Variants in SLC24A2 observed in about 807,000 individuals in gnomAD.
SLC24A2 encodes the protein sodium/potassium/calcium exchanger 2.
SLC24A2 carries 36 observed loss-of-function variants against 62.0 expected under a neutral mutation model. That is an observed-to-expected ratio of 0.58 (90% CI 0.44 to 0.77). The LOEUF (loss-of-function observed/expected upper bound fraction) is 0.77, where lower values mean the gene tolerates loss of function less well. Ranked by LOEUF, SLC24A2 falls within the 30% of genes least tolerant of loss-of-function variation. The pLI is 0.00. For missense variants in SLC24A2, 846 were observed against 817.9 expected (o/e 1.03, Z -0.42); for synonymous variants, 358 against 294.0 (o/e 1.22, Z -2.23).
the SLC24A2 span, among the ~76,000 whole-genome samples, chr9:20,291,573 A>G: frequency 6.6e-6 from 1 of 152,146 alleles, no homozygotes. Flanking sequence ...CTCCCTCTCC[A>G]TGTGTCTCTG....
chr9:19,994,023 G>A, the SLC24A2 span, among the ~76,000 whole-genome samples: 1 of 152,192 alleles, frequency 6.6e-6, no homozygotes, highest in Non-Finnish European at 1.5e-5. Flanking sequence ...CTGAGGTAAA[G>A]ATAGACCAAG....
chr9:20,235,167 G>C, the SLC24A2 span, among the ~76,000 whole-genome samples: 3 of 152,220 alleles, frequency 2.0e-5, no homozygotes, highest in African/African-American at 7.2e-5. Context: ...AGGCTACTCG[G>C]GGGTCAGGGA....
At chr9:20,272,584 G>T in the SLC24A2 span, among the ~76,000 whole-genome samples, 2,375 of 152,268 alleles carry the variant, frequency 0.016, 68 homozygotes, top group African/African-American at 0.053. Context: ...TTGGAAAACT[G>T]AGAAACTAAA....
intron 8 of SLC24A2, among the ~76,000 whole-genome samples, chr9:19,543,234 C>G (rs1210994695): frequency 1.3e-5 from 2 of 152,164 alleles, no homozygotes; most frequent in Non-Finnish European, 2.9e-5. Flanking sequence ...TTATAGTATT[C>G]TCTGATGGTA....
chr9:19,982,274 T>C, the SLC24A2 span, among the ~76,000 whole-genome samples: 3 of 152,094 alleles, frequency 2.0e-5, no homozygotes, highest in Non-Finnish European at 2.9e-5. Flanking sequence ...TGAATGGAAG[T>C]GTGAGTGTGT....
At chr9:19,788,142 G>A (rs1483021066) in intron 1 of SLC24A2, among the ~76,000 whole-genome samples, 1 of 152,198 alleles carries the variant, frequency 6.6e-6, no homozygotes, top group Non-Finnish European at 1.5e-5. Flanking sequence ...ACTGAGATTA[G>A]CTGGAGCTCA....
At chr9:19,919,066 A>ATT in the SLC24A2 span, among the ~76,000 whole-genome samples, 24 of 152,240 alleles carry the variant, frequency 1.6e-4, no homozygotes, top group African/African-American at 5.5e-4. Flanking sequence ...GATTTTAATT[A>ATT]TTTAACAATT....
chr9:19,872,366 T>C, the SLC24A2 span, among the ~76,000 whole-genome samples: 1 of 152,182 alleles, frequency 6.6e-6, no homozygotes, highest in African/African-American at 2.4e-5. Context: ...TTCCGAAGGA[T>C]AAAGGAGGAG....
the SLC24A2 span, among the ~76,000 whole-genome samples, chr9:19,978,307 T>C: frequency 6.6e-6 from 1 of 152,118 alleles, no homozygotes; most frequent in Admixed American, 6.5e-5. Context: ...CTTTTATCAG[T>C]TCCTCAAGAA....
At chr9:20,225,275 CAT>C in the SLC24A2 span, among the ~76,000 whole-genome samples, 3,110 of 151,606 alleles carry the variant, frequency 0.021, 103 homozygotes, top group African/African-American at 0.069. Context: ...CACAAGGAAA[CAT>C]GTATAACAAT....
chr9:20,015,278 A>C, the SLC24A2 span, among the ~76,000 whole-genome samples: 1 of 152,332 alleles, frequency 6.6e-6, no homozygotes, highest in South Asian at 2.1e-4. Flanking sequence ...GTTGAGCTGG[A>C]ACCTGCATCA....
At chr9:20,210,614 C>CAGT in the SLC24A2 span, among the ~76,000 whole-genome samples, 1 of 140,182 alleles carries the variant, frequency 7.1e-6, no homozygotes, top group Admixed American at 7.6e-5. Context: ...GCTGGGACTA[C>CAGT]AGGCGCCCGC....
intron 2 of SLC24A2, among the ~76,000 whole-genome samples, chr9:19,735,311 C>T (rs1284233970): frequency 6.6e-6 from 1 of 152,084 alleles, no homozygotes; most frequent in Non-Finnish European, 1.5e-5. Flanking sequence ...AACGAGATAC[C>T]ATCTCACACC....
At chr9:19,936,619 T>A in the SLC24A2 span, among the ~76,000 whole-genome samples, 7 of 151,996 alleles carry the variant, frequency 4.6e-5, no homozygotes, top group Non-Finnish European at 1.0e-4. Context: ...AAAGCTGGAG[T>A]GGGAGCCTCT....
At chr9:19,574,949 A>G (rs2132848660) in intron 6 of SLC24A2, among the ~76,000 whole-genome samples, 2 of 152,184 alleles carry the variant, frequency 1.3e-5, no homozygotes, top group East Asian at 3.8e-4. Context: ...CTGCTCATCA[A>G]ACATAAGAAT....
chr9:19,862,514 G>A, the SLC24A2 span, among the ~76,000 whole-genome samples: 7 of 152,010 alleles, frequency 4.6e-5, no homozygotes, highest in Admixed American at 1.3e-4. Context: ...AATCTCACTG[G>A]TAATCGTTAA....
At chr9:19,682,207 C>T (rs1473194500) in intron 2 of SLC24A2, among the ~76,000 whole-genome samples, 3 of 152,136 alleles carry the variant, frequency 2.0e-5, no homozygotes, top group South Asian at 4.1e-4. Context: ...CAGTGATGAA[C>T]ATCCACAAAT....
chr9:19,944,441 T>TAAAAAAAAAAAAAAAAAAAA, the SLC24A2 span, among the ~76,000 whole-genome samples: 1 of 78,524 alleles, frequency 1.3e-5, no homozygotes, highest in African/African-American at 4.2e-5. Flanking sequence ...AAAGTAGTAG[T>TAAAAAAAAAAAAAAAAAAAA]AAAAAAAAAA....
At chr9:19,571,417 G>A (rs139455778) in intron 7 of SLC24A2, among the ~76,000 whole-genome samples, 1 of 151,762 alleles carries the variant, frequency 6.6e-6, no homozygotes, top group African/African-American at 2.4e-5. Context: ...TTTTTCTTAA[G>A]AAGTGGCTGC....
Sources: gnomAD v4.1 joint callset for allele counts (sites outside exome capture counted in the v4.1 genomes callset) on GRCh38, gnomAD v4.1.1 for gene constraint, MANE v1.5 for transcripts, NCBI Gene and HGNC (gene_info 2026-07-23, HGNC 2026-07-21) for gene names.